Variants in AGBL4 observed in about 807,000 individuals in gnomAD.
AGBL4 encodes the protein cytosolic carboxypeptidase 6.
Under a neutral mutation model 66.4 loss-of-function variants are expected in AGBL4, and 58 were observed. The ratio of observed to expected loss-of-function variants is 0.87; its 90% CI spans 0.71 to 1.09. The LOEUF (loss-of-function observed/expected upper bound fraction) is 1.09, where lower values mean the gene tolerates loss of function less well. AGBL4 is among the 50% of genes least tolerant of loss of function. AGBL4 has a pLI of 0.00. For synonymous variants in AGBL4, 234 were observed against 222.9 expected, an observed-to-expected ratio of 1.05 and a Z score of -0.44; for missense variants, 579 against 631.0, an observed-to-expected ratio of 0.92 and a Z score of 0.88.
intron 5 of AGBL4, among the ~76,000 whole-genome samples, chr1:48,989,053 T>C (rs545277215): frequency 6.6e-6 from 1 of 152,266 alleles, no homozygotes; most frequent in African/African-American, 2.4e-5. Flanking sequence ...AGGTAGAGGC[T>C]CAGAGAACAG....
chr1:48,754,724 G>C (rs575075220), intron 6 of AGBL4, among the ~76,000 whole-genome samples: 1 of 152,274 alleles, frequency 6.6e-6, no homozygotes, highest in South Asian at 2.1e-4. Flanking sequence ...AGAAAGGGTT[G>C]TTTACCATGC....
intron 3 of AGBL4, among the ~76,000 whole-genome samples, chr1:49,287,434 A>G (rs1389290860): frequency 6.7e-6 from 1 of 149,138 alleles, no homozygotes; most frequent in Admixed American, 6.7e-5. Context: ...GCAACCTACA[A>G]AATGGGAGAA....
At chr1:49,753,088 T>C (rs1352407217) in intron 2 of AGBL4, among the ~76,000 whole-genome samples, 1 of 152,242 alleles carries the variant, frequency 6.6e-6, no homozygotes, top group African/African-American at 2.4e-5. Flanking sequence ...AATATAGTTA[T>C]GTGTGAATTG....
intron 4 of AGBL4, among the ~76,000 whole-genome samples, chr1:49,216,321 G>A (rs1649085610): frequency 6.6e-6 from 1 of 152,100 alleles, no homozygotes; most frequent in South Asian, 2.1e-4. Context: ...CTACATGGGT[G>A]TATGCTAAGG....
At chr1:48,618,510 G>A (rs1309675500) in intron 9 of AGBL4, among the ~76,000 whole-genome samples, 10 of 152,124 alleles carry the variant, frequency 6.6e-5, no homozygotes. Flanking sequence ...TATATGAAGG[G>A]TTAGTTTGGA....
At chr1:49,688,707 C>T (rs1244941418) in intron 3 of AGBL4, among the ~76,000 whole-genome samples, 1 of 152,116 alleles carries the variant, frequency 6.6e-6, no homozygotes, top group African/African-American at 2.4e-5. Context: ...TATGAGGGTT[C>T]CCTTTTCTCC....
At chr1:49,898,473 G>A (rs548075649) in intron 1 of AGBL4, among the ~76,000 whole-genome samples, 3 of 151,986 alleles carry the variant, frequency 2.0e-5, no homozygotes, top group Non-Finnish European at 2.9e-5. Flanking sequence ...AACAAACACC[G>A]GCGAGGATGT....
chr1:49,689,444 T>C (rs1349956184), intron 3 of AGBL4, among the ~76,000 whole-genome samples: 1 of 152,240 alleles, frequency 6.6e-6, no homozygotes, highest in African/African-American at 2.4e-5. Context: ...TCTGCTTTTA[T>C]GCCAGTACCA....
At chr1:48,523,453 G>A in the AGBL4 span, among the ~76,000 whole-genome samples, 1 of 152,180 alleles carries the variant, frequency 6.6e-6, no homozygotes, top group African/African-American at 2.4e-5. Context: ...ATTCCATTCT[G>A]TGGGTGAGGA....
chr1:48,786,039 G>A (rs966049679), intron 6 of AGBL4, among the ~76,000 whole-genome samples: 1 of 151,766 alleles, frequency 6.6e-6, no homozygotes, highest in African/African-American at 2.4e-5. Flanking sequence ...ACAACTCTAG[G>A]TTACCATTCT....
In AGBL4 at chr1:48,533,223, A is replaced by AC. The variant is rs756383507; in HGVS notation, c.*949dup. ...GTTTCCACAGACAGGAAGGGAGCAG[A>AC]CCCCCCTGGACCCATTCATCATACA... On this transcript the variant is annotated 3_prime_UTR_variant, in exon 14 of 14. Coordinates refer to ENST00000371839, the MANE Select transcript of AGBL4 (RefSeq NM_032785.4). 14 of 151,946 alleles carry AC rather than the reference A, an allele frequency of 9.2e-5. No homozygotes were observed. The highest frequency in any genetic ancestry group is 8.8e-5 in the Non-Finnish European group (6 of 67,992). 9.4% of individuals were successfully genotyped at this position (151,946 alleles called of 1,614,324 possible).
intron 2 of AGBL4, among the ~76,000 whole-genome samples, chr1:49,803,877 T>G (rs1334836853): frequency 6.6e-6 from 1 of 152,200 alleles, no homozygotes; most frequent in African/African-American, 2.4e-5. Flanking sequence ...CACTTCTGAT[T>G]TTTTTGTTTG....
chr1:50,007,575 C>A (rs920849388), intron 1 of AGBL4, among the ~76,000 whole-genome samples: 4 of 152,058 alleles, frequency 2.6e-5, no homozygotes, highest in African/African-American at 7.2e-5. Flanking sequence ...CCAGCCTGGG[C>A]AACAAAGTGA....
intron 2 of AGBL4, among the ~76,000 whole-genome samples, chr1:49,710,052 A>G (rs1180372471): frequency 6.6e-6 from 1 of 152,314 alleles, no homozygotes; most frequent in African/African-American, 2.4e-5. Context: ...AGGATCTGGA[A>G]CCAGAAATAC....
At chr1:49,641,990 TA>T (rs1645790354) in intron 3 of AGBL4, among the ~76,000 whole-genome samples, 1 of 152,044 alleles carries the variant, frequency 6.6e-6, no homozygotes, top group African/African-American at 2.4e-5. Context: ...TGCTTTCAAG[TA>T]AATTATTAAA....
chr1:49,902,334 C>A (rs1201219064), intron 1 of AGBL4, among the ~76,000 whole-genome samples: 1 of 152,146 alleles, frequency 6.6e-6, no homozygotes, highest in Non-Finnish European at 1.5e-5. Flanking sequence ...AAGAAATTCA[C>A]AAGCAAAATA....
intron 2 of AGBL4, among the ~76,000 whole-genome samples, chr1:49,746,324 C>T (rs535330041): frequency 6.6e-6 from 1 of 152,074 alleles, no homozygotes; most frequent in African/African-American, 2.4e-5. Flanking sequence ...CATGATAAAA[C>T]TCTAAATATT....
intron 6 of AGBL4, among the ~76,000 whole-genome samples, chr1:48,819,365 A>C (rs1329151349): frequency 1.3e-5 from 2 of 152,210 alleles, no homozygotes; most frequent in Non-Finnish European, 1.5e-5. Context: ...CTTGAATGCC[A>C]GTGTAAAGCA....
intron 2 of AGBL4, among the ~76,000 whole-genome samples, chr1:49,739,510 A>G (rs1335536856): frequency 6.6e-6 from 1 of 152,230 alleles, no homozygotes; most frequent in Non-Finnish European, 1.5e-5. Flanking sequence ...AACTTCCCCA[A>G]TCTAGCAAGG....
Sources: gnomAD v4.1 joint callset for allele counts (sites outside exome capture counted in the v4.1 genomes callset) on GRCh38, gnomAD v4.1.1 for gene constraint, MANE v1.5 for transcripts, NCBI Gene and HGNC (gene_info 2026-07-23, HGNC 2026-07-21) for gene names.